The following XKR4 variants were observed in gnomAD, a reference collection of about 807,000 sequenced individuals.
XKR4 encodes the protein XK related 4, also known as XK-related protein 4.
In XKR4, 12 loss-of-function variants were observed where a neutral mutation model predicts 53.9. The observed-to-expected ratio is 0.22, with a 90% CI of 0.14 to 0.36. The LOEUF (loss-of-function observed/expected upper bound fraction) is 0.36, where lower values mean the gene tolerates loss of function less well. XKR4 is among the 10% of genes least tolerant of loss of function. XKR4 has a pLI of 1.00. For missense variants in XKR4, 799 were observed against 859.5 expected (o/e 0.93, Z 0.88); for synonymous variants, 354 against 362.4 (o/e 0.98, Z 0.26).
At chr8:55,306,020 G>C (rs907050031) in intron 1 of XKR4, among the ~76,000 whole-genome samples, 13 of 152,296 alleles carry the variant, frequency 8.5e-5, no homozygotes, top group Non-Finnish European at 1.3e-4. Flanking sequence ...AACAAAAGGG[G>C]CTGAAGGGAT....
Position 55,536,389 on chromosome 8 carries a change from C to T in XKR4, c.*12162C>T, listed in dbSNP as rs528320105. 2.0e-5 allele frequency: 3 copies of T among 152,258 alleles called. No individual in the cohort carries two copies. Among genetic ancestry groups the T allele is most frequent in the East Asian group, 1.9e-4 (1 of 5,186 alleles). 9.4% of individuals were successfully genotyped at this position (152,258 alleles called of 1,614,324 possible). On this transcript the variant is annotated 3_prime_UTR_variant, in exon 3 of 3. Transcript: ENST00000327381. Reference sequence around the variant, plus strand: ...ATTTTCCAGATGATTGCGGAACCATCGTCACTAAACCAAAGTAGACAAGGA... The same window carrying T: ...ATTTTCCAGATGATTGCGGAACCATTGTCACTAAACCAAAGTAGACAAGGA...
chr8:55,354,543 A>G (rs1017665832), intron 1 of XKR4, among the ~76,000 whole-genome samples: 2 of 152,222 alleles, frequency 1.3e-5, no homozygotes, highest in Admixed American at 6.5e-5. Context: ...GAACACCAGA[A>G]GAGTGTGTTA....
chr8:55,198,291 G>A (rs910765514), intron 1 of XKR4, among the ~76,000 whole-genome samples: 2 of 152,136 alleles, frequency 1.3e-5, no homozygotes, highest in Non-Finnish European at 2.9e-5. Flanking sequence ...CTCAACCTGG[G>A]TAACTTGTAG....
intron 2 of XKR4, among the ~76,000 whole-genome samples, chr8:55,482,160 T>G (rs1011151972): frequency 3.9e-5 from 6 of 151,946 alleles, no homozygotes; most frequent in South Asian, 2.1e-4. Flanking sequence ...TGTCCAACAA[T>G]GATAGACTGG....
At position 55,524,338 on chromosome 8, in the gene XKR4, T is replaced by C. The variant is rs1806850313; in HGVS notation, c.*111T>C. The C allele has an allele frequency of 9.4e-7, 1 of 1,068,526 alleles. No individual in the cohort carries two copies. The highest frequency in any genetic ancestry group is 2.7e-5 in the Admixed American group (1 of 37,240). 66.2% of individuals were successfully genotyped at this position (1,068,526 alleles called of 1,614,324 possible). A position where few individuals can be genotyped will look rare whatever the true frequency, so the allele number is the denominator to read the frequency against. ...GGGCAGTGAGCCGTGAAGTTCCTAGTGGGACCGTCATCACCATTATCATTT... is the reference window on the plus strand; with the variant it reads ...GGGCAGTGAGCCGTGAAGTTCCTAGCGGGACCGTCATCACCATTATCATTT... On this transcript the variant is annotated 3_prime_UTR_variant, in exon 3 of 3. Coordinates refer to ENST00000327381, the MANE Select transcript of XKR4 (RefSeq NM_052898.2).
chr8:55,279,709 G>A lies in XKR4; in HGVS notation c.807-77969G>A, dbSNP rs150982831. On this transcript the variant is annotated intron_variant, in intron 1 of 2. Transcript: ENST00000327381. The stretch of plus-strand genomic sequence containing the variant: ...TATGGTGCTCTGGGGACAGCTGTTC[G>A]CCTCAGCCCGTCAGCCAGGGCACAC... 1.6e-3 allele frequency among the ~76,000 whole-genome samples: 244 copies of A among 152,180 alleles called. 1 individual carries two copies. The highest frequency in any genetic ancestry group is 6.8e-3 in the Middle Eastern group (2 of 294).
chr8:55,240,090 G>T (rs1818188681), intron 1 of XKR4, among the ~76,000 whole-genome samples: 1 of 152,168 alleles, frequency 6.6e-6, no homozygotes, highest in African/African-American at 2.4e-5. Context: ...TAAGGCAGGG[G>T]TCATGTTCTT....
Position 55,102,365 on chromosome 8 carries a change from C to T in XKR4, c.-124C>T. ...GACGGCAGGCGAGCCGACGCAGGAGCAGGAGGAGGGGGAGCCGCACCGCCT... is the reference window on the plus strand; with the variant it reads ...GACGGCAGGCGAGCCGACGCAGGAGTAGGAGGAGGGGGAGCCGCACCGCCT... On this transcript the variant is annotated 5_prime_UTR_variant, in exon 1 of 3. Coordinates refer to ENST00000327381, the MANE Select transcript of XKR4 (RefSeq NM_052898.2). The surrounding 1 kb of genome is among the most constrained non-coding windows in gnomAD (Gnocchi z 5.1). The T allele has an allele frequency of 1.7e-6, 2 of 1,197,578 alleles. No individual in the cohort carries two copies. The highest frequency in any genetic ancestry group is 1.6e-5 in the African/African-American group (1 of 61,308). 74.2% of individuals were successfully genotyped at this position (1,197,578 alleles called of 1,614,324 possible). A position where few individuals can be genotyped will look rare whatever the true frequency, so the allele number is the denominator to read the frequency against.
intron 1 of XKR4, among the ~76,000 whole-genome samples, chr8:55,128,581 C>A (rs1262702353): frequency 6.6e-6 from 1 of 152,194 alleles, no homozygotes; most frequent in Non-Finnish European, 1.5e-5. Context: ...TGTAAAAGCA[C>A]CACACTTCAT....
At chr8:55,458,394 G>A (rs1351587227) in intron 2 of XKR4, among the ~76,000 whole-genome samples, 1 of 152,110 alleles carries the variant, frequency 6.6e-6, no homozygotes, top group East Asian at 1.9e-4. Flanking sequence ...TGGTCCCGTG[G>A]CAGTGTCTAG....
intron 1 of XKR4, among the ~76,000 whole-genome samples, chr8:55,214,268 A>G (rs1817772432): frequency 1.3e-5 from 2 of 152,232 alleles, no homozygotes; most frequent in South Asian, 4.1e-4. Flanking sequence ...ACCTGTATGC[A>G]TATTGTGAAT....
intron 2 of XKR4, among the ~76,000 whole-genome samples, chr8:55,392,512 C>T (rs1275834967): frequency 2.6e-5 from 4 of 152,058 alleles, no homozygotes; most frequent in African/African-American, 4.8e-5. Context: ...TAAAAGAGGC[C>T]GAGCATGGTG....
intron 1 of XKR4, among the ~76,000 whole-genome samples, chr8:55,273,142 CTGTGTG>C (rs5891567): frequency 0.2 from 28,875 of 147,382 alleles, 2,934 homozygotes; most frequent in East Asian, 0.44. Flanking sequence ...GAAAAGAGGA[CTGTGTG>C]TGTGTGTGTG....
At chr8:55,285,692 T>C (rs1048506960) in intron 1 of XKR4, among the ~76,000 whole-genome samples, 4 of 152,208 alleles carry the variant, frequency 2.6e-5, no homozygotes, top group Admixed American at 2.0e-4. Flanking sequence ...ACCTCTCTGT[T>C]AGGGGTGTTC....
intron 2 of XKR4, among the ~76,000 whole-genome samples, chr8:55,435,087 G>C (rs1805155309): frequency 6.6e-6 from 1 of 152,184 alleles, no homozygotes; most frequent in African/African-American, 2.4e-5. Flanking sequence ...CAGAGGTCTT[G>C]GCTGGTCAAA....
chr8:55,247,833 C>CTTT (rs1585965295), intron 1 of XKR4, among the ~76,000 whole-genome samples: 1 of 58,182 alleles, frequency 1.7e-5, no homozygotes, highest in African/African-American at 3.6e-5. Context: ...TTTAATTTTT[C>CTTT]TTTTTCTTTC....
rs182967652 is a variant in XKR4, at chr8:55,477,539, G to A, written c.1007-45742G>A. Among the ~76,000 whole-genome samples the A allele has an allele frequency of 3.6e-3, 548 of 152,256 alleles. 2 individuals carry two copies. Among genetic ancestry groups the A allele is most frequent in the Non-Finnish European group, 5.6e-3 (383 of 68,038 alleles). On this transcript the variant is annotated intron_variant, in intron 2 of 2. Transcript: ENST00000327381. ...GGAATGCAGCTCCTCACTAGCAATG[G>A]AACAAAGCTGGACGGAGAATGACTT...
At chr8:55,470,485 C>A (rs1038842742) in intron 2 of XKR4, among the ~76,000 whole-genome samples, 1 of 152,122 alleles carries the variant, frequency 6.6e-6, no homozygotes, top group Non-Finnish European at 1.5e-5. Flanking sequence ...TCTGCCGCCA[C>A]GTGAGACATG....
At chr8:55,381,762 C>T (rs548845813) in intron 2 of XKR4, among the ~76,000 whole-genome samples, 1 of 152,310 alleles carries the variant, frequency 6.6e-6, no homozygotes, top group East Asian at 1.9e-4. Flanking sequence ...CCAGATATCC[C>T]TTAATTAAGT....
Sources: allele counts gnomAD v4.1 joint callset (sites outside exome capture counted in the v4.1 genomes callset), GRCh38; gene constraint gnomAD v4.1.1; non-coding constraint Gnocchi (gnomAD v3.1); transcripts MANE v1.5; gene names NCBI Gene and HGNC (gene_info 2026-07-23, HGNC 2026-07-21).